The following GPR158 variants were observed in gnomAD, a reference collection of about 807,000 sequenced individuals.
GPR158 encodes metabotropic glycine receptor.
Under a neutral mutation model 78.2 loss-of-function variants are expected in GPR158, and 30 were observed. The ratio of observed to expected loss-of-function variants is 0.38; its 90% CI spans 0.29 to 0.52. The LOEUF (loss-of-function observed/expected upper bound fraction) is 0.52, where lower values mean the gene tolerates loss of function less well. Ranked by LOEUF, GPR158 falls within the 20% of genes least tolerant of loss-of-function variation. The probability of loss-of-function intolerance (pLI) is 0.83; values close to 1 mark genes in which losing one functional copy is unlikely to be tolerated. For missense variants in GPR158, 1,463 were observed against 1,523.5 expected, an observed-to-expected ratio of 0.96 and a Z score of 0.66; for synonymous variants, 581 against 591.1, an observed-to-expected ratio of 0.98 and a Z score of 0.25.
chr10:25,372,846 C>G (rs201321346), intron 2 of GPR158, among the ~76,000 whole-genome samples: 2 of 2,540 alleles, frequency 7.9e-4, no homozygotes, highest in African/African-American at 5.9e-3. Flanking sequence ...TACCCTAAAA[C>G]TTTAATAATA....
intron 4 of GPR158, among the ~76,000 whole-genome samples, chr10:25,445,242 TATG>T (rs1308222589): frequency 1.3e-5 from 2 of 152,122 alleles, no homozygotes; most frequent in African/African-American, 4.8e-5. Flanking sequence ...TCCTAGAAAA[TATG>T]ATATTTGAAC....
At chr10:25,329,099 G>C (rs957841911) in intron 2 of GPR158, among the ~76,000 whole-genome samples, 2 of 151,968 alleles carry the variant, frequency 1.3e-5, no homozygotes, top group African/African-American at 4.8e-5. Context: ...TGATTGAAAT[G>C]CTTATAAATT....
At chr10:25,191,344 C>T (rs760952358) in intron 1 of GPR158, among the ~76,000 whole-genome samples, 12 of 152,156 alleles carry the variant, frequency 7.9e-5, no homozygotes, top group South Asian at 2.1e-4. Context: ...ATAACAGACA[C>T]GAAGAAAAAG....
intron 4 of GPR158, among the ~76,000 whole-genome samples, chr10:25,445,180 G>A (rs1161286704): frequency 6.6e-5 from 10 of 152,120 alleles, no homozygotes; most frequent in Admixed American, 6.5e-4. Context: ...AAAAGGAACA[G>A]GTATACAGAG....
chr10:25,497,397 T>C (rs1033163444), intron 5 of GPR158, among the ~76,000 whole-genome samples: 5 of 152,164 alleles, frequency 3.3e-5, no homozygotes, highest in Admixed American at 3.3e-4. Context: ...GGGAGAGTTA[T>C]GAGAAATAAG....
At chr10:25,399,457 C>T (rs866680332) in intron 3 of GPR158, among the ~76,000 whole-genome samples, 1 of 152,064 alleles carries the variant, frequency 6.6e-6, no homozygotes, top group Non-Finnish European at 1.5e-5. Context: ...GTTGCATGCT[C>T]CTTATGAGAA....
intron 2 of GPR158, among the ~76,000 whole-genome samples, chr10:25,319,158 T>G (rs186453451): frequency 9.9e-5 from 15 of 152,254 alleles, no homozygotes; most frequent in African/African-American, 3.6e-4. Flanking sequence ...AGCCTTTGCT[T>G]TCCTTGTTTC....
chr10:25,220,332 G>A (rs1853281859), intron 1 of GPR158, among the ~76,000 whole-genome samples: 1 of 152,204 alleles, frequency 6.6e-6, no homozygotes, highest in South Asian at 2.1e-4. Context: ...AAAGTTGGCT[G>A]GAGGAAGTGG....
At chr10:25,512,498 T>C (rs998413458) in intron 5 of GPR158, among the ~76,000 whole-genome samples, 1 of 152,184 alleles carries the variant, frequency 6.6e-6, no homozygotes, top group Non-Finnish European at 1.5e-5. Flanking sequence ...TTTGACTTCC[T>C]CTTTACCAAT....
intron 5 of GPR158, among the ~76,000 whole-genome samples, chr10:25,492,804 C>T (rs1835827509): frequency 6.6e-6 from 1 of 150,980 alleles, no homozygotes; most frequent in Non-Finnish European, 1.5e-5. Context: ...GCTATCCAAT[C>T]AATAAAAAAT....
intron 6 of GPR158, among the ~76,000 whole-genome samples, chr10:25,565,465 T>C (rs1836917235): frequency 6.6e-6 from 1 of 151,992 alleles, no homozygotes; most frequent in Non-Finnish European, 1.5e-5. Context: ...GAAAAGAGCA[T>C]ATAGGAAAGT....
chr10:25,426,809 G>T (rs966648903), intron 4 of GPR158, among the ~76,000 whole-genome samples: 1 of 152,012 alleles, frequency 6.6e-6, no homozygotes, highest in Non-Finnish European at 1.5e-5. Flanking sequence ...GAACGTCAGT[G>T]AGAGATTTGC....
intron 4 of GPR158, among the ~76,000 whole-genome samples, chr10:25,427,071 T>C (rs1252503852): frequency 6.6e-6 from 1 of 152,118 alleles, no homozygotes; most frequent in African/African-American, 2.4e-5. Flanking sequence ...ACTTTGTCTT[T>C]TTGTCCTTAT....
chr10:25,436,035 CT>C (rs764685974), intron 4 of GPR158, among the ~76,000 whole-genome samples: 1 of 152,014 alleles, frequency 6.6e-6, no homozygotes, highest in East Asian at 1.9e-4. Flanking sequence ...ATGGAAAACA[CT>C]GAGTAGAGGA....
intron 5 of GPR158, among the ~76,000 whole-genome samples, chr10:25,468,082 A>C (rs887173861): frequency 6.6e-6 from 1 of 151,920 alleles, no homozygotes; most frequent in Admixed American, 6.6e-5. Flanking sequence ...TCTCTTAGGA[A>C]TTTCTCCTTT....
intron 2 of GPR158, among the ~76,000 whole-genome samples, chr10:25,308,551 A>T (rs1370819100): frequency 6.6e-6 from 1 of 152,066 alleles, no homozygotes; most frequent in Non-Finnish European, 1.5e-5. Flanking sequence ...TACATTGTAA[A>T]ATACACATAA....
At chr10:25,373,950 T>C (rs1014288672) in intron 2 of GPR158, among the ~76,000 whole-genome samples, 1 of 151,704 alleles carries the variant, frequency 6.6e-6, no homozygotes, top group Non-Finnish European at 1.5e-5. Flanking sequence ...AATTTTTTGA[T>C]TAGGTTGTTC....
intron 5 of GPR158, among the ~76,000 whole-genome samples, chr10:25,498,393 T>C (rs1835911816): frequency 6.6e-6 from 1 of 152,196 alleles, no homozygotes; most frequent in Non-Finnish European, 1.5e-5. Flanking sequence ...GTAGTGGTTC[T>C]CAAATTTGGT....
chr10:25,383,855 G>A (rs1222979059), intron 2 of GPR158, among the ~76,000 whole-genome samples: 1 of 152,134 alleles, frequency 6.6e-6, no homozygotes, highest in Non-Finnish European at 1.5e-5. Flanking sequence ...TACTTCCTAG[G>A]CAGTGATTGA....
Sources: allele counts gnomAD v4.1 joint callset (sites outside exome capture counted in the v4.1 genomes callset), GRCh38; gene constraint gnomAD v4.1.1; transcripts MANE v1.5; gene names NCBI Gene and HGNC (gene_info 2026-07-23, HGNC 2026-07-21).